The following LRCH1 variants were observed in gnomAD, a reference collection of about 807,000 sequenced individuals.
LRCH1 encodes the protein leucine-rich repeat and calponin homology domain-containing protein 1.
A neutral mutation model predicts 94.9 loss-of-function variants in LRCH1; 23 were observed. The ratio of observed to expected loss-of-function variants is 0.24; its 90% CI spans 0.17 to 0.34. The LOEUF (loss-of-function observed/expected upper bound fraction) is 0.34, where lower values mean the gene tolerates loss of function less well. Among genes scored for constraint, LRCH1 ranks in the 10% least tolerant of loss-of-function variants. The pLI, the probability that LRCH1 is intolerant of heterozygous loss-of-function variation, is 1.00. For missense variants in LRCH1, 790 were observed against 945.9 expected, an observed-to-expected ratio of 0.84 and a Z score of 2.16; for synonymous variants, 364 against 354.9, an observed-to-expected ratio of 1.03 and a Z score of -0.29.
At chr13:46,679,605 TG>T in intron 3 of LRCH1, among the ~76,000 whole-genome samples, 1 of 152,334 alleles carries the variant, frequency 6.6e-6, no homozygotes, top group Non-Finnish European at 1.5e-5. Context: ...TTTTAAACAC[TG>T]GAAGTGTTTT....
chr13:46,606,338 A>T (rs2050687223), intron 1 of LRCH1, among the ~76,000 whole-genome samples: 1 of 152,166 alleles, frequency 6.6e-6, no homozygotes, highest in African/African-American at 2.4e-5. Context: ...CTGAGTCTAT[A>T]GGACTTGCCC....
chr13:46,553,725 G>A, intron 1 of LRCH1, 22 bp downstream of exon 1: 2 of 1,604,366 alleles, frequency 1.2e-6, no homozygotes, highest in East Asian at 2.2e-5. Context: ...CCGAGGGGCG[G>A]GCAGGGGTGT....
At chr13:46,575,623 T>C (rs1051262061) in intron 1 of LRCH1, among the ~76,000 whole-genome samples, 31 of 152,058 alleles carry the variant, frequency 2.0e-4, no homozygotes, top group African/African-American at 7.5e-4. Flanking sequence ...CAGCTGTTGC[T>C]TGTCAGCTTC....
At chr13:46,708,276 CTT>C (rs10635302) in intron 13 of LRCH1, among the ~76,000 whole-genome samples, 9 of 130,454 alleles carry the variant, frequency 6.9e-5, no homozygotes, top group African/African-American at 8.6e-5. Context: ...TTCATCCCAT[CTT>C]TTTTTTTTTT....
At chr13:46,693,268 G>GT (rs1871007845) in intron 8 of LRCH1, among the ~76,000 whole-genome samples, 1 of 152,196 alleles carries the variant, frequency 6.6e-6, no homozygotes, top group South Asian at 2.1e-4. Flanking sequence ...TTCAAATGGA[G>GT]TTAGTGATTG....
At chr13:46,666,473 G>A (rs1320779045) in intron 2 of LRCH1, among the ~76,000 whole-genome samples, 1 of 152,160 alleles carries the variant, frequency 6.6e-6, no homozygotes, top group Non-Finnish European at 1.5e-5. Context: ...TAGTGAGACG[G>A]ATAACTTAGA....
rs143432873 is a variant in LRCH1 at position 46,576,427 on chromosome 13, G to A, written c.307+22724G>A. On this transcript the variant is annotated intron_variant, in intron 1 of 19. Coordinates refer to ENST00000389797, the MANE Select transcript of LRCH1 (RefSeq NM_001164211.2). ...CTGGGAGTCCTGAGTGAAGTTGTCAGTTGCTGCTGAACTCAGCAGAAATAA... is the reference window on the plus strand; with the variant it reads ...CTGGGAGTCCTGAGTGAAGTTGTCAATTGCTGCTGAACTCAGCAGAAATAA... 3.3e-5 allele frequency among the ~76,000 whole-genome samples: 5 copies of A among 152,324 alleles called. No individual in the cohort carries two copies. In the East Asian group the frequency reaches 7.7e-4, roughly 24 times the overall value.
rs1320620185 is a variant in LRCH1 at position 46,598,594 on chromosome 13, CA to C, written c.307+44901del. On this transcript the variant is annotated intron_variant, in intron 1 of 19. Coordinates refer to ENST00000389797, the MANE Select transcript of LRCH1 (RefSeq NM_001164211.2). ...TTTGTAGTTTCACCACTAACAACAA[CA>C]AAAAAAAAAGAACACAAACAAAATA... Among the ~76,000 whole-genome samples the C allele has an allele frequency of 2.8e-3, 404 of 146,870 alleles. 5 individuals are homozygous for C. The highest frequency in any genetic ancestry group is 9.6e-3 in the African/African-American group (383 of 39,942).
At chr13:46,610,757 C>A (rs557437599) in intron 1 of LRCH1, among the ~76,000 whole-genome samples, 1 of 152,202 alleles carries the variant, frequency 6.6e-6, no homozygotes, top group South Asian at 2.1e-4. Context: ...TGTGCTGGTT[C>A]CATATTTTTG....
At chr13:46,722,306 C>A (rs1478221209) in intron 16 of LRCH1, among the ~76,000 whole-genome samples, 1 of 151,836 alleles carries the variant, frequency 6.6e-6, no homozygotes, top group Non-Finnish European at 1.5e-5. Flanking sequence ...GATGGGGGAG[C>A]CAAGGCTCTG....
chr13:46,717,319 A>T (rs375240792), intron 16 of LRCH1: 1 of 152,230 alleles, frequency 6.6e-6, no homozygotes, highest in African/African-American at 2.4e-5. Flanking sequence ...TAAAAATAAA[A>T]TAACCTTGCA....
chr13:46,591,102 G>A (rs1394045857), intron 1 of LRCH1, among the ~76,000 whole-genome samples: 1 of 151,976 alleles, frequency 6.6e-6, no homozygotes, highest in African/African-American at 2.4e-5. Context: ...ATTCAGATTG[G>A]CCCTATGGAC....
chr13:46,620,796 G>A (rs558650168), intron 1 of LRCH1, among the ~76,000 whole-genome samples: 8 of 152,266 alleles, frequency 5.3e-5, no homozygotes, highest in East Asian at 1.9e-4. Flanking sequence ...ATAGCTTTTC[G>A]CATTTTACAG....
At chr13:46,724,493 A>AT (rs1872721816) in intron 17 of LRCH1, among the ~76,000 whole-genome samples, 1 of 152,214 alleles carries the variant, frequency 6.6e-6, no homozygotes, top group Non-Finnish European at 1.5e-5. Flanking sequence ...ACCAAAGAGG[A>AT]AGTCTTGTGC....
Position 46,609,928 on chromosome 13 carries a change from G to A in LRCH1, c.308-40273G>A, listed in dbSNP as rs540939544. Among the ~76,000 whole-genome samples, 153 of 152,286 alleles carry A rather than the reference G, an allele frequency of 1.0e-3. 1 individual carries two copies. Among genetic ancestry groups the A allele is most frequent in the Admixed American group, 2.0e-3 (31 of 15,302 alleles). Reference sequence around the variant, plus strand: ...CATTGGAAGCGTTAAACAAGTGTCTGTATAGAAGGAAGGCATGTGAATAAA... The same window carrying A: ...CATTGGAAGCGTTAAACAAGTGTCTATATAGAAGGAAGGCATGTGAATAAA... On this transcript the variant is annotated intron_variant, in intron 1 of 19. Coordinates refer to ENST00000389797, the MANE Select transcript of LRCH1 (RefSeq NM_001164211.2).
intron 1 of LRCH1, among the ~76,000 whole-genome samples, chr13:46,649,828 C>CA (rs565134610): frequency 0.13 from 12,967 of 99,624 alleles, 634 homozygotes; most frequent in Middle Eastern, 0.26. Context: ...GATCCTGTCT[C>CA]AAAAAAAAAA....
downstream of LRCH1, among the ~76,000 whole-genome samples, chr13:46,749,311 C>A (rs1874031382): frequency 6.6e-6 from 1 of 152,118 alleles, no homozygotes; most frequent in East Asian, 1.9e-4. Context: ...TGCGTGACCT[C>A]ACTAATACGT....
intron 1 of LRCH1, among the ~76,000 whole-genome samples, chr13:46,606,190 C>G (rs2078553019): frequency 6.7e-6 from 1 of 150,160 alleles, no homozygotes; most frequent in Non-Finnish European, 1.5e-5. Flanking sequence ...ATAAGTCGTT[C>G]TAAAGTACTT....
At chr13:46,654,064 G>A (rs1022261581) in intron 2 of LRCH1, among the ~76,000 whole-genome samples, 6 of 152,216 alleles carry the variant, frequency 3.9e-5, no homozygotes, top group Admixed American at 6.5e-5. Flanking sequence ...CTGTGAAACA[G>A]TGACTGTCAC....
Sources: gnomAD v4.1 joint callset for allele counts (sites outside exome capture counted in the v4.1 genomes callset) on GRCh38, gnomAD v4.1.1 for gene constraint, MANE v1.5 for transcripts, NCBI Gene and HGNC (gene_info 2026-07-23, HGNC 2026-07-21) for gene names.